RAB15: variants seen among roughly 807,000 people sequenced by gnomAD.
RAB15 encodes the protein RAB15, member RAS oncogene family.
A neutral mutation model predicts 31.8 loss-of-function variants in RAB15; 13 were observed. That is an observed-to-expected ratio of 0.41 (90% CI 0.27 to 0.65). RAB15 has a LOEUF of 0.65. Among genes scored for constraint, RAB15 ranks in the 30% least tolerant of loss-of-function variants. The pLI is 0.32. For missense variants in RAB15, 220 were observed against 277.3 expected, an observed-to-expected ratio of 0.79 and a Z score of 1.47; for synonymous variants, 100 against 105.6, an observed-to-expected ratio of 0.95 and a Z score of 0.33.
rs1886528707 is a variant in RAB15, at chr14:64,955,921, A to G, written c.125-3350T>C. Among the ~76,000 whole-genome samples the G allele has an allele frequency of 1.3e-5, 2 of 152,230 alleles. No individual in the cohort carries two copies. Among genetic ancestry groups the G allele is most frequent in the Non-Finnish European group, 2.9e-5 (2 of 68,034 alleles). On this transcript the variant is annotated intron_variant, in intron 1 of 6. Transcript: ENST00000533601. This position sits in a 1 kb window ranked among gnomAD's most constrained non-coding sequence, Gnocchi z 4.4. ...TCATATTTCTCAAACTTCCAGGTGC[A>G]TGAGAATCACGCGGGGATTGAGTTA... is the stretch of plus-strand genomic sequence containing the variant.
At chr14:64,964,028 G>C (rs566320843) in intron 1 of RAB15, among the ~76,000 whole-genome samples, 1 of 152,228 alleles carries the variant, frequency 6.6e-6, no homozygotes, top group Non-Finnish European at 1.5e-5. Context: ...GCTCCCAGAG[G>C]GCAAAGCAGC....
In RAB15 at chr14:64,972,053, C is replaced by G. The variant is rs752229254; in HGVS notation, c.24G>C (p.Leu8=). The G allele has an allele frequency of 4.3e-6, 7 of 1,610,694 alleles. No homozygotes were observed. The South Asian group carries it at 6.6e-5, about 15-fold the overall frequency. ...AGTCCCCGATCAGCAGCAGCCGGAACAGCACATCGTACTGCTTCGCCATGA... is the reference window on the plus strand; with the variant it reads ...AGTCCCCGATCAGCAGCAGCCGGAAGAGCACATCGTACTGCTTCGCCATGA... The part of the protein sequence containing the change: MAKQYDV[L]FRLLLIGDSG... Residue 8 remains leucine, a synonymous_variant, in exon 1 of 7, where the codon CTG becomes CTC. Transcript: ENST00000533601. The surrounding 1 kb of genome is among the most constrained non-coding windows in gnomAD (Gnocchi z 6.3).
Position 64,958,829 on chromosome 14 carries a change from A to G in RAB15, c.125-6258T>C, listed in dbSNP as rs1261007675. Among the ~76,000 whole-genome samples the G allele has an allele frequency of 1.3e-5, 2 of 152,298 alleles. No homozygotes were observed. Among genetic ancestry groups the G allele is most frequent in the Admixed American group, 6.5e-5 (1 of 15,300 alleles). ...GTGCCCAAAGCACGGAGAGCAGCTCATTGTTTTTCCCGGCACATTAGATAT... is the reference window on the plus strand; with the variant it reads ...GTGCCCAAAGCACGGAGAGCAGCTCGTTGTTTTTCCCGGCACATTAGATAT... On this transcript the variant is annotated intron_variant, in intron 1 of 6. Transcript: ENST00000533601. This position sits in a 1 kb window ranked among gnomAD's most constrained non-coding sequence, Gnocchi z 4.4.
rs1450520418 is a variant in RAB15 at position 64,950,893 on chromosome 14, T to C, written c.324+181A>G. 1 of 1,282,090 alleles carries C rather than the reference T, an allele frequency of 7.8e-7. No homozygotes were observed. Among genetic ancestry groups the C allele is most frequent in the Non-Finnish European group, 1.1e-6 (1 of 893,294 alleles). 79.4% of individuals were successfully genotyped at this position (1,282,090 alleles called of 1,614,324 possible). On this transcript the variant is annotated intron_variant, in intron 4 of 6. Transcript: ENST00000533601. The surrounding 1 kb of genome is among the most constrained non-coding windows in gnomAD (Gnocchi z 5.6). ...ACAGCCGTGGAGGCCTGGCAGGGTA[T>C]AGAGAGTGAGGGCATGGCAGCTTCG...
In RAB15 at chr14:64,971,631, A is replaced by G. The variant is rs1252984693; in HGVS notation, c.124+322T>C. Among the ~76,000 whole-genome samples the G allele has an allele frequency of 6.6e-6, 1 of 151,654 alleles. No homozygotes were observed. Among genetic ancestry groups the G allele is most frequent in the Non-Finnish European group, 1.5e-5 (1 of 67,904 alleles). On this transcript the variant is annotated intron_variant, in intron 1 of 6. Coordinates refer to ENST00000533601, the MANE Select transcript of RAB15 (RefSeq NM_001308154.2). This position sits in a 1 kb window ranked among gnomAD's most constrained non-coding sequence, Gnocchi z 4.1. ...CCTGGGGGTGTGGGGATGTTATTCC[A>G]GCGGCTACGATTCTTGCTACCCCAG... is the stretch of plus-strand genomic sequence containing the variant.
At position 64,954,144 on chromosome 14, in the gene RAB15, C is replaced by T. The variant is rs1174303678; in HGVS notation, c.125-1573G>A. ...ATTTGGTCAGACGTGAATCATTTCT[C>T]GCCTGCCCAAGCTGATTCATATCCA... On this transcript the variant is annotated intron_variant, in intron 1 of 6. Transcript: ENST00000533601. This position sits in a 1 kb window ranked among gnomAD's most constrained non-coding sequence, Gnocchi z 4.3. The T allele has an allele frequency of 1.0e-5, 10 of 985,320 alleles. No homozygotes were observed. The highest frequency in any genetic ancestry group is 1.7e-5 in the African/African-American group (1 of 57,234). The allele number at this position is 985,320 out of a possible 1,614,324, so 61.0% of individuals were successfully genotyped here. A position where few individuals can be genotyped will look rare whatever the true frequency, so the allele number is the denominator to read the frequency against.
chr14:64,957,017 C>T (rs540293063), intron 1 of RAB15, among the ~76,000 whole-genome samples: 62 of 151,254 alleles, frequency 4.1e-4, no homozygotes, highest in Middle Eastern at 6.8e-3. Flanking sequence ...ACTGCAGCCT[C>T]GATCCTCCAG....
chr14:64,963,159 C>T (rs1886951716), intron 1 of RAB15, among the ~76,000 whole-genome samples: 2 of 142,394 alleles, frequency 1.4e-5, no homozygotes, highest in South Asian at 2.3e-4. Flanking sequence ...CACTCTGTCA[C>T]CCAGGCTGGA....
intron 1 of RAB15, among the ~76,000 whole-genome samples, chr14:64,967,709 G>C (rs908773362): frequency 6.6e-6 from 1 of 152,174 alleles, no homozygotes; most frequent in Non-Finnish European, 1.5e-5. Context: ...AAGGTCCCCT[G>C]AACATAGATG....
chr14:64,971,392 T>C lies in RAB15; in HGVS notation c.124+561A>G, dbSNP rs1346220511. ...TCCCAGGCGCAGGGGCTCCTCACCC[T>C]ATCTGTGTCCTCCCCCAGGTGTCCC... On this transcript the variant is annotated intron_variant, in intron 1 of 6. Coordinates refer to ENST00000533601, the MANE Select transcript of RAB15 (RefSeq NM_001308154.2). This position sits in a 1 kb window ranked among gnomAD's most constrained non-coding sequence, Gnocchi z 4.1. Among the ~76,000 whole-genome samples, 1 of 152,124 alleles carries C rather than the reference T, an allele frequency of 6.6e-6. No homozygotes were observed. Among genetic ancestry groups the C allele is most frequent in the Non-Finnish European group, 1.5e-5 (1 of 68,020 alleles).
Position 64,948,545 on chromosome 14 carries a change from TCTC to T in RAB15, c.481-36_481-34del, listed in dbSNP as rs779652573. The T allele has an allele frequency of 3.8e-6, 6 of 1,599,378 alleles. No individual in the cohort carries two copies. Among genetic ancestry groups the T allele is most frequent in the African/African-American group, 2.7e-5 (2 of 74,556 alleles). ...CCAAAGGGCACAGGTTAGTCCAGTG[TCTC>T]CTCCTCTCCCCTGGCAACCCTGCAG... On this transcript the variant is annotated intron_variant, in intron 6 of 6. Coordinates refer to ENST00000533601, the MANE Select transcript of RAB15 (RefSeq NM_001308154.2). The surrounding 1 kb of genome is among the most constrained non-coding windows in gnomAD (Gnocchi z 7.0).
At position 64,950,789 on chromosome 14, in the gene RAB15, A is replaced by C; in HGVS notation, c.324+285T>G. On this transcript the variant is annotated intron_variant, in intron 4 of 6. Transcript: ENST00000533601. The surrounding 1 kb of genome is among the most constrained non-coding windows in gnomAD (Gnocchi z 5.6). ...AGCCAGGACTAGATCCCAATCTTGCAACTCCACCTGGTCCCAAGATTTCAG... is the reference window on the plus strand; with the variant it reads ...AGCCAGGACTAGATCCCAATCTTGCCACTCCACCTGGTCCCAAGATTTCAG... 1 of 630,662 alleles carries C rather than the reference A, an allele frequency of 1.6e-6. No individual in the cohort carries two copies. The highest frequency in any genetic ancestry group is 2.8e-6 in the Non-Finnish European group (1 of 358,044). The allele number at this position is 630,662 out of a possible 1,614,324, so 39.1% of individuals were successfully genotyped here.
At position 64,950,860 on chromosome 14, in the gene RAB15, G is replaced by A; in HGVS notation, c.324+214C>T. On this transcript the variant is annotated intron_variant, in intron 4 of 6. Coordinates refer to ENST00000533601, the MANE Select transcript of RAB15 (RefSeq NM_001308154.2). The surrounding 1 kb of genome is among the most constrained non-coding windows in gnomAD (Gnocchi z 5.6). ...AAGACTTGGAACTAATTCATTTCCGGGAAAGACACAGCCGTGGAGGCCTGG... is the reference window on the plus strand; with the variant it reads ...AAGACTTGGAACTAATTCATTTCCGAGAAAGACACAGCCGTGGAGGCCTGG... 1 of 930,564 alleles carries A rather than the reference G, an allele frequency of 1.1e-6. No individual in the cohort carries two copies. The highest frequency in any genetic ancestry group is 1.7e-6 in the Non-Finnish European group (1 of 599,368). The allele number at this position is 930,564 out of a possible 1,614,324, so 57.6% of individuals were successfully genotyped here.
At chr14:64,960,950 A>G (rs188322297) in intron 1 of RAB15, among the ~76,000 whole-genome samples, 1 of 152,280 alleles carries the variant, frequency 6.6e-6, no homozygotes. Flanking sequence ...GCGGGCCAGC[A>G]CCTCATGGGT....
chr14:64,960,317 G>A (rs1304998945), intron 1 of RAB15, among the ~76,000 whole-genome samples: 2 of 152,210 alleles, frequency 1.3e-5, no homozygotes, highest in South Asian at 2.1e-4. Context: ...CAGTGGAGGT[G>A]CTGTGACGCT....
chr14:64,948,040 TC>T lies in RAB15; in HGVS notation c.*313del. ...AGGAGCAGCTGAAAGTGGCCTGGAC[TC>T]CAGCCCTGGCTGTTGTCTGGTGGGT... On this transcript the variant is annotated 3_prime_UTR_variant, in exon 7 of 7. Coordinates refer to ENST00000533601, the MANE Select transcript of RAB15 (RefSeq NM_001308154.2). The surrounding 1 kb of genome is among the most constrained non-coding windows in gnomAD (Gnocchi z 7.0). 3.2e-6 allele frequency: 1 copy of T among 312,934 alleles called. No homozygotes were observed. Among genetic ancestry groups the T allele is most frequent in the Non-Finnish European group, 5.8e-6 (1 of 171,214 alleles). 19.4% of individuals were successfully genotyped at this position (312,934 alleles called of 1,614,324 possible).
Position 64,970,019 on chromosome 14 carries a change from G to C in RAB15, c.124+1934C>G, listed in dbSNP as rs1352659015. Among the ~76,000 whole-genome samples, 1 of 152,170 alleles carries C rather than the reference G, an allele frequency of 6.6e-6. No individual in the cohort carries two copies. Among genetic ancestry groups the C allele is most frequent in the Non-Finnish European group, 1.5e-5 (1 of 68,028 alleles). ...GGCTGCCTCCCACAGCACTAAGCAG[G>C]AGTCCCAGAGCTTCTGAAATGAGGT... is the stretch of plus-strand genomic sequence containing the variant. On this transcript the variant is annotated intron_variant, in intron 1 of 6. Transcript: ENST00000533601. This position sits in a 1 kb window ranked among gnomAD's most constrained non-coding sequence, Gnocchi z 4.1.
Position 64,955,025 on chromosome 14 carries a change from ACTT to A in RAB15, c.125-2457_125-2455del, listed in dbSNP as rs1886463233. 6.6e-6 allele frequency among the ~76,000 whole-genome samples: 1 copy of A among 152,026 alleles called. No homozygotes were observed. Among genetic ancestry groups the A allele is most frequent in the Admixed American group, 6.6e-5 (1 of 15,256 alleles). ...GTGACTCCTTCTCACCTCCTCCCTC[ACTT>A]CTTAGCTATGTGGCGGGGGACTAAG... On this transcript the variant is annotated intron_variant, in intron 1 of 6. Coordinates refer to ENST00000533601, the MANE Select transcript of RAB15 (RefSeq NM_001308154.2). This position sits in a 1 kb window ranked among gnomAD's most constrained non-coding sequence, Gnocchi z 4.4.
In RAB15 at chr14:64,952,385, C is replaced by T; in HGVS notation, c.185+126G>A. The T allele has an allele frequency of 1.4e-6, 1 of 694,924 alleles. No individual in the cohort carries two copies. The highest frequency in any genetic ancestry group is 2.5e-6 in the Non-Finnish European group (1 of 397,376). The allele number at this position is 694,924 out of a possible 1,614,324, so 43.0% of individuals were successfully genotyped here. A position where few individuals can be genotyped will look rare whatever the true frequency, so the allele number is the denominator to read the frequency against. ...AGATGGGCTTCTGAGACTTCGCTTCCATCCATCAGAGAGGTGGCCAGTTAT... is the reference window on the plus strand; with the variant it reads ...AGATGGGCTTCTGAGACTTCGCTTCTATCCATCAGAGAGGTGGCCAGTTAT... On this transcript the variant is annotated intron_variant, in intron 2 of 6. Transcript: ENST00000533601. The surrounding 1 kb of genome is among the most constrained non-coding windows in gnomAD (Gnocchi z 4.2).
Sources: gnomAD v4.1 joint callset for allele counts (sites outside exome capture counted in the v4.1 genomes callset) on GRCh38, gnomAD v4.1.1 for gene constraint, Gnocchi (gnomAD v3.1) non-coding constraint, MANE v1.5 for transcripts, NCBI Gene and HGNC (gene_info 2026-07-23, HGNC 2026-07-21) for gene names.